Variants in HMGA2 observed in about 807,000 individuals in gnomAD.
HMGA2 encodes high mobility group AT-hook 2.
Under a neutral mutation model 19.1 loss-of-function variants are expected in HMGA2, and 8 were observed. That is an observed-to-expected ratio of 0.42 (90% CI 0.25 to 0.76). HMGA2 has a LOEUF of 0.76. HMGA2 is among the 30% of genes least tolerant of loss of function. The pLI, the probability that HMGA2 is intolerant of heterozygous loss-of-function variation, is 0.28. For synonymous variants in HMGA2, 60 were observed against 48.8 expected (o/e 1.23, Z -0.96); for missense variants, 109 against 136.3 (o/e 0.80, Z 1.00).
chr12:65,878,831 C>T (rs569440589), intron 3 of HMGA2, among the ~76,000 whole-genome samples: 2 of 152,322 alleles, frequency 1.3e-5, no homozygotes, highest in South Asian at 4.2e-4. Flanking sequence ...TTAAACTCAA[C>T]ACAAGACTTA....
chr12:65,887,645 C>T (rs930462290), intron 3 of HMGA2, among the ~76,000 whole-genome samples: 21 of 152,056 alleles, frequency 1.4e-4, no homozygotes, highest in African/African-American at 5.1e-4. Context: ...ATCACTTGAA[C>T]CCAGGAGGCA....
At chr12:65,910,543 C>T (rs1246712699) in intron 3 of HMGA2, among the ~76,000 whole-genome samples, 2 of 152,122 alleles carry the variant, frequency 1.3e-5, no homozygotes, top group Non-Finnish European at 2.9e-5. Context: ...TGAATATGAA[C>T]GCATGTAGTT....
intron 3 of HMGA2, among the ~76,000 whole-genome samples, chr12:65,861,778 G>C (rs1467658599): frequency 6.7e-6 from 1 of 150,290 alleles, no homozygotes; most frequent in Admixed American, 6.6e-5. Context: ...TGGCTTTAAA[G>C]ATATGCTTTA....
intron 3 of HMGA2, among the ~76,000 whole-genome samples, chr12:65,913,688 G>C (rs1323904494): frequency 6.6e-6 from 1 of 152,116 alleles, no homozygotes; most frequent in East Asian, 1.9e-4. Flanking sequence ...TCTGGGCCGT[G>C]TTACTCACTA....
At chr12:65,917,706 T>C (rs1162066296) in intron 3 of HMGA2, among the ~76,000 whole-genome samples, 2 of 152,200 alleles carry the variant, frequency 1.3e-5, no homozygotes, top group South Asian at 2.1e-4. Flanking sequence ...TGAAAAAGGC[T>C]GGAGTTTCCT....
chr12:65,920,845 G>C (rs1875281953), intron 3 of HMGA2, among the ~76,000 whole-genome samples: 1 of 152,218 alleles, frequency 6.6e-6, no homozygotes, highest in Admixed American at 6.5e-5. Context: ...GGTACCAGGA[G>C]AGTGGGGCAT....
At chr12:65,893,877 C>T (rs1214306228) in intron 3 of HMGA2, among the ~76,000 whole-genome samples, 1 of 152,132 alleles carries the variant, frequency 6.6e-6, no homozygotes, top group Admixed American at 6.5e-5. Flanking sequence ...GCTGTTTCTT[C>T]TTGTGTTTGG....
intron 4 of HMGA2, among the ~76,000 whole-genome samples, chr12:65,961,633 C>T (rs558650510): frequency 9.9e-4 from 150 of 152,148 alleles, no homozygotes; most frequent in South Asian, 3.1e-3. Context: ...TGTGTTTATT[C>T]CCAGGATTTA....
chr12:65,867,369 C>T (rs1872480492), intron 3 of HMGA2: 2 of 356,234 alleles, frequency 5.6e-6, no homozygotes, highest in East Asian at 7.4e-5. Flanking sequence ...AGGGGAACTT[C>T]TAGGAACTTA....
chr12:65,899,016 C>A (rs1387009745), intron 3 of HMGA2, among the ~76,000 whole-genome samples: 6 of 136,540 alleles, frequency 4.4e-5, no homozygotes, highest in African/African-American at 1.8e-4. Context: ...GGCACTCCAG[C>A]CTGGGCAACA....
At chr12:65,932,456 A>G (rs1875748637) in intron 3 of HMGA2, among the ~76,000 whole-genome samples, 1 of 152,238 alleles carries the variant, frequency 6.6e-6, no homozygotes, top group Non-Finnish European at 1.5e-5. Flanking sequence ...TGCTGGCTAT[A>G]TGCCAGGAAC....
intron 2 of HMGA2, among the ~76,000 whole-genome samples, chr12:65,837,760 ACTCT>A (rs1354475680): frequency 6.6e-6 from 1 of 152,122 alleles, no homozygotes; most frequent in Non-Finnish European, 1.5e-5. Context: ...AATGAAATAA[ACTCT>A]CAAGATAGAA....
At chr12:65,912,542 C>G (rs1462894745) in intron 3 of HMGA2, among the ~76,000 whole-genome samples, 2 of 152,140 alleles carry the variant, frequency 1.3e-5, no homozygotes, top group Admixed American at 6.5e-5. Context: ...GTCTTAGATA[C>G]TTGGGTCCTT....
At chr12:65,957,457 T>A (rs890127066) in intron 4 of HMGA2, 3 of 151,926 alleles carry the variant, frequency 2.0e-5, no homozygotes, top group Non-Finnish European at 4.4e-5. Flanking sequence ...CTGAGCAACA[T>A]AGTGAGACCC....
chr12:65,963,884 C>A lies in HMGA2; in HGVS notation c.*592C>A. ...CTTGATGATTTTTAACTTTTTATTT[C>A]TAAATGAGACGAAATGCTGATGTAT... On this transcript the variant is annotated 3_prime_UTR_variant, in exon 5 of 5. Transcript: ENST00000403681. The A allele has an allele frequency of 4.7e-6, 1 of 213,326 alleles. No homozygotes were observed. Among genetic ancestry groups the A allele is most frequent in the Non-Finnish European group, 9.5e-6 (1 of 105,334 alleles). 13.2% of individuals were successfully genotyped at this position (213,326 alleles called of 1,614,324 possible). A position where few individuals can be genotyped will look rare whatever the true frequency, so the allele number is the denominator to read the frequency against.
intron 3 of HMGA2, among the ~76,000 whole-genome samples, chr12:65,936,759 A>C (rs917193087): frequency 6.6e-6 from 1 of 152,052 alleles, no homozygotes; most frequent in Non-Finnish European, 1.5e-5. Flanking sequence ...ATATTTAATC[A>C]CCCCAGCAAC....
At chr12:65,880,368 A>C (rs1358199685) in intron 3 of HMGA2, among the ~76,000 whole-genome samples, 2 of 152,236 alleles carry the variant, frequency 1.3e-5, no homozygotes, top group Non-Finnish European at 2.9e-5. Context: ...AGGTTATGGC[A>C]ATGAAGGATT....
intron 3 of HMGA2, among the ~76,000 whole-genome samples, chr12:65,910,123 C>T (rs954251577): frequency 2.6e-5 from 4 of 152,180 alleles, no homozygotes; most frequent in African/African-American, 7.2e-5. Context: ...GCAATGAAGA[C>T]GAGGCTCCTG....
intron 3 of HMGA2, among the ~76,000 whole-genome samples, chr12:65,914,481 T>G (rs1874987256): frequency 9.5e-6 from 1 of 105,774 alleles, no homozygotes; most frequent in Admixed American, 1.4e-4. Flanking sequence ...TATCACACTC[T>G]GGGGACTGTT....
Sources: gnomAD v4.1 joint callset for allele counts (sites outside exome capture counted in the v4.1 genomes callset) on GRCh38, gnomAD v4.1.1 for gene constraint, MANE v1.5 for transcripts, NCBI Gene and HGNC (gene_info 2026-07-23, HGNC 2026-07-21) for gene names.